SYNJ2: variants seen among roughly 807,000 people sequenced by gnomAD.
The protein encoded by SYNJ2 is polyphosphatidylinositol phosphatase SYNJ2.
Under a neutral mutation model 141.3 loss-of-function variants are expected in SYNJ2, and 116 were observed. The ratio of observed to expected loss-of-function variants is 0.82; its 90% CI spans 0.71 to 0.96. The LOEUF is 0.96. Ranked by LOEUF, SYNJ2 falls within the 40% of genes least tolerant of loss-of-function variation. SYNJ2 has a pLI of 0.00. For synonymous variants in SYNJ2, 745 were observed against 777.7 expected, an observed-to-expected ratio of 0.96 and a Z score of 0.70; for missense variants, 1,873 against 1,934.8, an observed-to-expected ratio of 0.97 and a Z score of 0.60.
Position 158,081,171 on chromosome 6 carries a change from T to C in SYNJ2, c.2630T>C (p.Val877Ala). 1 of 1,613,574 alleles carries C rather than the reference T, an allele frequency of 6.2e-7. No individual in the cohort carries two copies. The highest frequency in any genetic ancestry group is 2.2e-5 in the East Asian group (1 of 44,868). ...GTCGATGTGGGTGCTCGGGAGAGGG[T>C]TTTCCAGGAAGTGTCCTCCTTCCAG... ...QEVDVGARER[V>A]FQEVSSFQGP... Residue 877 changes from valine to alanine, a missense_variant, in exon 19 of 27, where the codon GTT (valine) becomes GCT (alanine). Transcript: ENST00000355585.
In SYNJ2 at chr6:158,027,305, G is replaced by A. The variant is rs1476789121; in HGVS notation, c.215-1451G>A. ...CATTCACAGAAGATCTCGCTGGGCG[G>A]ATCCTTCAGACCTCAGCGGGGTGGG... is the stretch of plus-strand genomic sequence containing the variant. On this transcript the variant is annotated intron_variant, in intron 2 of 26. Coordinates refer to ENST00000355585, the MANE Select transcript of SYNJ2 (RefSeq NM_003898.4). This position sits in a 1 kb window ranked among gnomAD's most constrained non-coding sequence, Gnocchi z 4.6. 2.8e-6 allele frequency: 2 copies of A among 703,124 alleles called. No homozygotes were observed. The highest frequency in any genetic ancestry group is 3.5e-6 in the Non-Finnish European group (2 of 572,486). The allele number at this position is 703,124 out of a possible 1,614,324, so 43.6% of individuals were successfully genotyped here.
At chr6:158,060,449 G>A (rs935744447) in intron 7 of SYNJ2, among the ~76,000 whole-genome samples, 5 of 152,198 alleles carry the variant, frequency 3.3e-5, no homozygotes, top group South Asian at 2.1e-4. Flanking sequence ...AAACTCTCTC[G>A]TTGTTTAAAG....
intron 3 of SYNJ2, among the ~76,000 whole-genome samples, chr6:158,029,755 G>A (rs1779266214): frequency 6.6e-6 from 1 of 152,112 alleles, no homozygotes; most frequent in African/African-American, 2.4e-5. Context: ...AAAGCACTGT[G>A]TTCGGGTCAC....
At chr6:157,993,047 A>G (rs1369857665) in intron 1 of SYNJ2, among the ~76,000 whole-genome samples, 2 of 152,224 alleles carry the variant, frequency 1.3e-5, no homozygotes, top group African/African-American at 2.4e-5. Context: ...TTGTACGCAT[A>G]TAGTACATAT....
chr6:158,086,947 C>A lies in SYNJ2; in HGVS notation c.3301C>A (p.Arg1101=), dbSNP rs773467066. The A allele has an allele frequency of 1.2e-6, 2 of 1,605,440 alleles. No homozygotes were observed. Among genetic ancestry groups the A allele is most frequent in the Non-Finnish European group, 8.5e-7 (1 of 1,178,650 alleles). ...SPSRSLSVPN[R]PRPPQPPQRP... ...GAGCAGGTCTCTGTCGGTCCCCAAC[C>A]GGCCTCGGCCACCTCAACCCCCGCA... The change falls in exon 23 of 27, where the codon CGG becomes AGG. Residue 1101 remains arginine, a synonymous_variant. Transcript: ENST00000355585.
chr6:158,076,441 G>A (rs1257095539), intron 16 of SYNJ2, among the ~76,000 whole-genome samples, 185 bp from the exon 17 acceptor site: 2 of 152,200 alleles, frequency 1.3e-5, no homozygotes, highest in Non-Finnish European at 2.9e-5. Flanking sequence ...TCAGTGGGAT[G>A]AGCTGAGGAT....
chr6:157,993,903 C>G (rs915414256), intron 1 of SYNJ2, among the ~76,000 whole-genome samples: 3 of 146,476 alleles, frequency 2.0e-5, no homozygotes, highest in African/African-American at 7.6e-5. Context: ...CAAGCTCCGC[C>G]TCCCTGGTTC....
At chr6:158,023,030 A>C (rs1778856876) in intron 2 of SYNJ2, among the ~76,000 whole-genome samples, 1 of 152,150 alleles carries the variant, frequency 6.6e-6, no homozygotes, top group African/African-American at 2.4e-5. Flanking sequence ...CAGGAGGATC[A>C]CTTGAGCCTA....
intron 7 of SYNJ2, among the ~76,000 whole-genome samples, chr6:158,060,506 G>A (rs1781154621): frequency 6.6e-6 from 1 of 152,196 alleles, no homozygotes; most frequent in Non-Finnish European, 1.5e-5. Flanking sequence ...CCTCACTGGG[G>A]GTTAGGGCGA....
intron 11 of SYNJ2, among the ~76,000 whole-genome samples, chr6:158,065,728 C>T (rs746138064): frequency 3.9e-5 from 6 of 152,158 alleles, no homozygotes; most frequent in African/African-American, 9.7e-5. Flanking sequence ...ATTTGGCTTC[C>T]GATAGGCACG....
intron 1 of SYNJ2, among the ~76,000 whole-genome samples, chr6:157,993,934 C>T (rs1318675412): frequency 6.7e-6 from 1 of 150,344 alleles, no homozygotes; most frequent in Non-Finnish European, 1.5e-5. Flanking sequence ...CCTGCCTCAG[C>T]CTCCCGAGTA....
At chr6:158,048,176 G>A (rs541595168) in intron 5 of SYNJ2, among the ~76,000 whole-genome samples, 2 of 152,354 alleles carry the variant, frequency 1.3e-5, no homozygotes, top group Admixed American at 6.5e-5. Context: ...GGACAGGGCA[G>A]TGTTGTGTGG....
intron 19 of SYNJ2, 44 bp downstream of exon 19, chr6:158,081,371 G>A (rs1446933117): frequency 1.2e-6 from 2 of 1,613,138 alleles, no homozygotes; most frequent in Admixed American, 3.3e-5. Flanking sequence ...GGATGTCGAT[G>A]AGGATCCGTG....
intron 1 of SYNJ2, chr6:158,016,968 C>T: frequency 8.2e-7 from 1 of 1,215,742 alleles, no homozygotes; most frequent in Non-Finnish European, 1.0e-6. Context: ...CCTCCAGCCC[C>T]CAGGAAGCTG....
chr6:158,047,797 A>C (rs1201725330), intron 5 of SYNJ2, among the ~76,000 whole-genome samples: 1 of 149,506 alleles, frequency 6.7e-6, no homozygotes, highest in East Asian at 1.9e-4. Context: ...AAAAAAAAAA[A>C]AAAAAAAACA....
intron 18 of SYNJ2, chr6:158,078,839 G>A (rs1440568857): frequency 7.1e-6 from 1 of 140,526 alleles, no homozygotes; most frequent in African/African-American, 2.7e-5. Flanking sequence ...TGCCCAGGCT[G>A]GATGGAGTAC....
chr6:158,028,675 T>C (rs1361411755), intron 2 of SYNJ2, 81 bp from the exon 3 acceptor site: 1 of 1,552,392 alleles, frequency 6.4e-7, no homozygotes, highest in African/African-American at 1.4e-5. Flanking sequence ...CGGTTGAACC[T>C]GGGCTCCATT....
chr6:158,067,524 T>C, intron 12 of SYNJ2: 1 of 985,510 alleles, frequency 1.0e-6, no homozygotes. Context: ...TAAATGATTC[T>C]TGTCCAGTCA....
At chr6:158,044,567 C>G (rs1444166605) in intron 5 of SYNJ2, among the ~76,000 whole-genome samples, 3 of 152,210 alleles carry the variant, frequency 2.0e-5, no homozygotes, top group African/African-American at 7.2e-5. Context: ...GACACAGAAA[C>G]TCCTCCGGAG....
Sources: allele counts gnomAD v4.1 joint callset (sites outside exome capture counted in the v4.1 genomes callset), GRCh38; gene constraint gnomAD v4.1.1; non-coding constraint Gnocchi (gnomAD v3.1); transcripts MANE v1.5; gene names NCBI Gene and HGNC (gene_info 2026-07-23, HGNC 2026-07-21).